Variants in ITGAE observed in about 807,000 individuals in gnomAD.
ITGAE encodes the protein integrin alpha-E.
ITGAE carries 99 observed loss-of-function variants against 136.5 expected under a neutral mutation model. The observed-to-expected ratio is 0.73, with a 90% CI of 0.62 to 0.86. ITGAE has a LOEUF of 0.86. Ranked by LOEUF, ITGAE falls within the 40% of genes least tolerant of loss-of-function variation. The probability of loss-of-function intolerance (pLI) is 0.00; values close to 1 mark genes in which losing one functional copy is unlikely to be tolerated. For synonymous variants in ITGAE, 613 were observed against 591.8 expected (o/e 1.04, Z -0.52); for missense variants, 1,447 against 1,515.3 (o/e 0.95, Z 0.75).
At chr17:3,734,991 T>C in intron 20 of ITGAE, 42 bp from the exon 21 acceptor site, 1 of 1,611,150 alleles carries the variant, frequency 6.2e-7, no homozygotes, top group Non-Finnish European at 8.5e-7. Flanking sequence ...TTATTTCATC[T>C]GTAAAAACCT....
chr17:3,781,266 G>A (rs892907961), intron 1 of ITGAE, among the ~76,000 whole-genome samples: 2 of 151,826 alleles, frequency 1.3e-5, no homozygotes, highest in Non-Finnish European at 2.9e-5. Flanking sequence ...TTCAGCTTCG[G>A]GTCATGCTCC....
Position 3,723,792 on chromosome 17 carries a change from A to G in ITGAE, c.3085-48T>C, listed in dbSNP as rs761295353. 1.0e-5 allele frequency: 16 copies of G among 1,598,798 alleles called. No homozygotes were observed. In the South Asian group the frequency reaches 1.4e-4, roughly 14 times the overall value. On this transcript the variant is annotated intron_variant, in intron 26 of 30. Coordinates refer to ENST00000263087, the MANE Select transcript of ITGAE (RefSeq NM_002208.5). The stretch of plus-strand genomic sequence containing the variant: ...GACGCGCTGAACAAACCAAGCCGCC[A>G]GTTTTCCGTCCCGTCCCGGCCCCGG...
chr17:3,734,703 G>T, intron 21 of ITGAE, 114 bp downstream of exon 21: 1 of 1,298,576 alleles, frequency 7.7e-7, no homozygotes. Flanking sequence ...CTGTTGGTTG[G>T]ACCAGGAGGA....
chr17:3,735,835 A>G (rs2051447847), intron 20 of ITGAE, among the ~76,000 whole-genome samples: 2 of 152,032 alleles, frequency 1.3e-5, no homozygotes, highest in East Asian at 3.9e-4. Context: ...TAGTACAGCT[A>G]CTCTCCATTT....
chr17:3,789,730 A>G (rs1434689404), intron 1 of ITGAE, among the ~76,000 whole-genome samples: 3 of 152,144 alleles, frequency 2.0e-5, no homozygotes, highest in Admixed American at 2.0e-4. Context: ...TGAACTCCTG[A>G]TCTCAAGTAA....
intron 14 of ITGAE, among the ~76,000 whole-genome samples, chr17:3,753,065 A>G (rs902050644): frequency 6.6e-6 from 1 of 152,182 alleles, no homozygotes; most frequent in African/African-American, 2.4e-5. Context: ...AACAACCACA[A>G]AAAAAGAGAT....
intron 1 of ITGAE, among the ~76,000 whole-genome samples, chr17:3,800,794 G>A (rs900577708): frequency 6.6e-6 from 1 of 152,206 alleles, no homozygotes; most frequent in Non-Finnish European, 1.5e-5. Flanking sequence ...TCAAGGACCT[G>A]CCCCAAGTGG....
At chr17:3,734,205 G>A (rs911763719) in intron 21 of ITGAE, among the ~76,000 whole-genome samples, 36 of 151,610 alleles carry the variant, frequency 2.4e-4, no homozygotes, top group South Asian at 4.2e-4. Context: ...CGAGTAGCTG[G>A]GACTACAGGC....
At chr17:3,733,675 C>T (rs1454492413) in intron 21 of ITGAE, among the ~76,000 whole-genome samples, 2 of 152,234 alleles carry the variant, frequency 1.3e-5, no homozygotes, top group African/African-American at 4.8e-5. Context: ...CCCGCCTCGG[C>T]CTCCCAAAGT....
chr17:3,788,757 AAAT>A (rs1178699890), intron 1 of ITGAE, among the ~76,000 whole-genome samples: 1 of 146,104 alleles, frequency 6.8e-6, no homozygotes, highest in Non-Finnish European at 1.5e-5. Context: ...AATTATTTAA[AAAT>A]AATAATTATT....
At chr17:3,760,582 A>G (rs1181790396) in intron 6 of ITGAE, among the ~76,000 whole-genome samples, 1 of 151,430 alleles carries the variant, frequency 6.6e-6, no homozygotes, top group Non-Finnish European at 1.5e-5. Flanking sequence ...TGGGACTATA[A>G]TGCACACCAC....
Position 3,782,287 on chromosome 17 carries a change from A to C in ITGAE, c.35-4627T>G, listed in dbSNP as rs1006075963. 6.2e-4 allele frequency among the ~76,000 whole-genome samples: 92 copies of C among 148,660 alleles called. 3 individuals are homozygous for C. The highest frequency in any genetic ancestry group is 2.1e-3 in the African/African-American group (85 of 40,816). ...GAGACTCGGCCTCAAAAAAAAAAAAAAAAAAAAAAAAAAAGCATGGTCTGA... is the reference window on the plus strand; with the variant it reads ...GAGACTCGGCCTCAAAAAAAAAAAACAAAAAAAAAAAAAAGCATGGTCTGA... On this transcript the variant is annotated intron_variant, in intron 1 of 30. Transcript: ENST00000263087.
chr17:3,784,133 G>A (rs954110702), intron 1 of ITGAE, among the ~76,000 whole-genome samples: 47 of 152,042 alleles, frequency 3.1e-4, no homozygotes, highest in Middle Eastern at 6.8e-3. Flanking sequence ...GGTGGCGGGC[G>A]CCTGTAGTCC....
At position 3,724,277 on chromosome 17, in the gene ITGAE, A is replaced by G. The variant is rs567375472; in HGVS notation, c.3085-533T>C. 1.4e-4 allele frequency: 215 copies of G among 1,588,926 alleles called. 1 individual carries two copies. Among genetic ancestry groups the G allele is most frequent in the Non-Finnish European group, 1.8e-4 (210 of 1,175,152 alleles). On this transcript the variant is annotated intron_variant, in intron 26 of 30. Transcript: ENST00000263087. ...GCCCAAGCCTAACCGTGACCCCAAGACGCCTGGGGCTGCGAGCTCGGCCCC... is the reference window on the plus strand; with the variant it reads ...GCCCAAGCCTAACCGTGACCCCAAGGCGCCTGGGGCTGCGAGCTCGGCCCC...
At chr17:3,735,401 A>G (rs886587025) in intron 20 of ITGAE, among the ~76,000 whole-genome samples, 3 of 152,190 alleles carry the variant, frequency 2.0e-5, no homozygotes, top group Non-Finnish European at 2.9e-5. Flanking sequence ...TCCTGACCTC[A>G]GGTGATCCGC....
At position 3,757,024 on chromosome 17, in the gene ITGAE, C is replaced by G. The variant is rs1478215290; in HGVS notation, c.1131G>C (p.Gly377=). 6.2e-7 allele frequency: 1 copy of G among 1,614,088 alleles called. No individual in the cohort carries two copies. Among genetic ancestry groups the G allele is most frequent in the Non-Finnish European group, 8.5e-7 (1 of 1,180,036 alleles). Residue 377 remains glycine, a synonymous_variant, in exon 10 of 31, where the codon GGG becomes GGC. Coordinates refer to ENST00000263087, the MANE Select transcript of ITGAE (RefSeq NM_002208.5). The part of the protein sequence containing the change: ...FKVTNYMALD[G]LLSKLRYNII... Reference sequence around the variant, plus strand: ...TGTTGTACCGCAGTTTGCTCAGCAGCCCATCCAGCGCCATGTAGTTGGTCA... The same window carrying G: ...TGTTGTACCGCAGTTTGCTCAGCAGGCCATCCAGCGCCATGTAGTTGGTCA...
intron 2 of ITGAE, among the ~76,000 whole-genome samples, chr17:3,774,799 AGTCATTTTGGT>A: frequency 6.6e-6 from 1 of 152,216 alleles, no homozygotes; most frequent in East Asian, 1.9e-4. Context: ...AATAAATAAA[AGTCATTTTGGT>A]GACACATGGG....
intron 28 of ITGAE, 113 bp downstream of exon 28, chr17:3,723,174 CA>C: frequency 1.3e-6 from 1 of 774,188 alleles, no homozygotes; most frequent in South Asian, 1.5e-5. Flanking sequence ...TTTTTTGCAC[CA>C]AAAGATCTAT....
At chr17:3,734,743 C>T (rs184335) in intron 21 of ITGAE, 74 bp downstream of exon 21, 875,339 of 1,576,788 alleles carry the variant, frequency 0.56, 249,843 homozygotes, top group African/African-American at 0.92. Context: ...AGTGAGGGGG[C>T]CACCACAGAA....
Sources: gnomAD v4.1 joint callset for allele counts (sites outside exome capture counted in the v4.1 genomes callset) on GRCh38, gnomAD v4.1.1 for gene constraint, MANE v1.5 for transcripts, NCBI Gene and HGNC (gene_info 2026-07-23, HGNC 2026-07-21) for gene names.